Variants in PTPA observed in about 807,000 individuals in gnomAD.
PTPA encodes protein phosphatase 2 phosphatase activator.
PTPA carries 13 observed loss-of-function variants against 43.6 expected under a neutral mutation model. That is an observed-to-expected ratio of 0.30 (90% CI 0.19 to 0.47). The LOEUF (loss-of-function observed/expected upper bound fraction) is 0.47, where lower values mean the gene tolerates loss of function less well. Among genes scored for constraint, PTPA ranks in the 20% least tolerant of loss-of-function variants. PTPA has a pLI of 0.99. For synonymous variants in PTPA, 172 were observed against 158.2 expected, an observed-to-expected ratio of 1.09 and a Z score of -0.66; for missense variants, 329 against 411.9, an observed-to-expected ratio of 0.80 and a Z score of 1.74.
chr9:129,131,559 A>G lies in PTPA; in HGVS notation c.380A>G (p.His127Arg), dbSNP rs1299288530. 4 of 1,613,952 alleles carry G rather than the reference A, an allele frequency of 2.5e-6. No homozygotes were observed. In the South Asian group the frequency reaches 4.4e-5, roughly 18 times the overall value. The stretch of plus-strand genomic sequence containing the variant: ...TTGGTGGCCACAGTGGTCCCTACCC[A>G]TCTGGCAGCTGCTGTGCCTGAGGTG... The part of the protein sequence containing the change: ...ENLVATVVPT[H>R]LAAAVPEVAV... The change falls in exon 5 of 10, where the codon CAT becomes CGT. Residue 127 changes from histidine (H) to arginine (R), a missense_variant. Transcript: ENST00000393370.
At chr9:129,112,236 G>C (rs575302622) in intron 1 of PTPA, among the ~76,000 whole-genome samples, 1 of 152,148 alleles carries the variant, frequency 6.6e-6, no homozygotes, top group Non-Finnish European at 1.5e-5. Flanking sequence ...CATCTCCTTC[G>C]GTAACTCTTA....
intron 9 of PTPA, chr9:129,143,662 C>T (rs17509014): frequency 5.0e-4 from 253 of 505,944 alleles, no homozygotes; most frequent in African/African-American, 4.6e-3. Flanking sequence ...CCGCCCCCTC[C>T]CCCTTTGGTC....
intron 8 of PTPA, among the ~76,000 whole-genome samples, chr9:129,138,330 C>A (rs1016831576): frequency 6.6e-6 from 1 of 152,202 alleles, no homozygotes; most frequent in African/African-American, 2.4e-5. Flanking sequence ...GCGAGATCTC[C>A]TAGTGTGTTT....
intron 8 of PTPA, 196 bp from the exon 9 acceptor site, chr9:129,142,249 T>G (rs1850914730): frequency 2.1e-6 from 1 of 471,828 alleles, no homozygotes; most frequent in African/African-American, 2.0e-5. Context: ...TCTCTGGCAC[T>G]TGCATGTGCC....
chr9:129,111,035 A>G, upstream of PTPA: 2 of 1,369,044 alleles, frequency 1.5e-6, no homozygotes, highest in Non-Finnish European at 2.0e-6. Flanking sequence ...TGTTGGAGGT[A>G]GTGGTGTGCA....
At chr9:129,139,005 G>A (rs3118632) in intron 8 of PTPA, among the ~76,000 whole-genome samples, 44,724 of 152,028 alleles carry the variant, frequency 0.29, 6,691 homozygotes, top group East Asian at 0.42. Context: ...GGGGGTCTGC[G>A]GAGCCCTGGG....
Position 129,118,707 on chromosome 9 carries a change from G to A in PTPA, c.32-1806G>A, listed in dbSNP as rs1440480545. ...TTTTTTTTTTTAAAGTAGAGATGGGGTCTCGCTGTGTTGCCCAGGTTGGTG... is the reference window on the plus strand; with the variant it reads ...TTTTTTTTTTTAAAGTAGAGATGGGATCTCGCTGTGTTGCCCAGGTTGGTG... On this transcript the variant is annotated intron_variant, in intron 1 of 9. Coordinates refer to ENST00000393370, the MANE Select transcript of PTPA (RefSeq NM_178000.3). Among the ~76,000 whole-genome samples, 4 of 151,386 alleles carry A rather than the reference G, an allele frequency of 2.6e-5. No individual in the cohort carries two copies. The East Asian group carries it at 7.8e-4, about 30-fold the overall frequency.
chr9:129,131,578 T>C lies in PTPA; in HGVS notation c.399T>C (p.Pro133=). The C allele has an allele frequency of 1.2e-6, 2 of 1,614,176 alleles. No homozygotes were observed. The highest frequency in any genetic ancestry group is 2.2e-5 in the East Asian group (1 of 44,892). Residue 133 remains proline, a synonymous_variant, in exon 5 of 10, where the codon CCT becomes CCC. Transcript: ENST00000393370. ...CTACCCATCTGGCAGCTGCTGTGCC[T>C]GAGGTGGCTGTTTACCTAAAGGAGT... ...VVPTHLAAAV[P]EVAVYLKESV... is the part of the protein sequence containing the mutation.
At chr9:129,127,999 T>C (rs1179202797) in intron 3 of PTPA, 2 of 1,345,602 alleles carry the variant, frequency 1.5e-6, no homozygotes, top group African/African-American at 3.0e-5. Context: ...AGGAGCAGGC[T>C]GCAAAGCAGA....
intron 6 of PTPA, 57 bp from the exon 7 acceptor site, chr9:129,136,414 G>C (rs1439123726): frequency 1.3e-6 from 2 of 1,554,114 alleles, no homozygotes; most frequent in African/African-American, 1.4e-5. Context: ...GTGGCCGAAA[G>C]GGTGAGACTG....
intron 5 of PTPA, among the ~76,000 whole-genome samples, chr9:129,132,051 C>G (rs1000470535): frequency 2.6e-5 from 4 of 152,218 alleles, no homozygotes; most frequent in African/African-American, 7.2e-5. Context: ...GTGGCACACC[C>G]TCTCCCTTGA....
chr9:129,136,209 C>T (rs548147496), intron 6 of PTPA, among the ~76,000 whole-genome samples: 3 of 152,214 alleles, frequency 2.0e-5, no homozygotes, highest in South Asian at 2.1e-4. Context: ...CCTTGTGATC[C>T]GCCTGCCTCG....
At chr9:129,134,359 C>A (rs1850213003) in intron 5 of PTPA, among the ~76,000 whole-genome samples, 4 of 119,310 alleles carry the variant, frequency 3.4e-5, no homozygotes, top group Admixed American at 1.2e-4. Flanking sequence ...GGCTGGAGTG[C>A]AGTGGCCTTA....
At chr9:129,113,070 CA>C (rs36041340) in intron 1 of PTPA, among the ~76,000 whole-genome samples, 33 of 149,070 alleles carry the variant, frequency 2.2e-4, no homozygotes, top group African/African-American at 5.5e-4. Flanking sequence ...AAAAAAGTCG[CA>C]AAAAAAAAAA....
At chr9:129,142,977 AGTGT>A (rs1851003398) in intron 9 of PTPA, 1 of 1,342,892 alleles carries the variant, frequency 7.4e-7, no homozygotes, top group Non-Finnish European at 9.8e-7. Context: ...TTCAAATGTT[AGTGT>A]GTATGATCAC....
chr9:129,110,978 G>T, upstream of PTPA: 1 of 1,371,098 alleles, frequency 7.3e-7, no homozygotes, highest in Non-Finnish European at 9.8e-7. The surrounding 1 kb of genome is among the most constrained non-coding windows in gnomAD (Gnocchi z 5.3). Context: ...GGAAGGAGGA[G>T]GTCACCGTCC....
chr9:129,113,068 CG>C (rs201049200), intron 1 of PTPA, among the ~76,000 whole-genome samples: 1 of 88,568 alleles, frequency 1.1e-5, no homozygotes, highest in Non-Finnish European at 3.0e-5. Context: ...AAAAAAAAGT[CG>C]CAAAAAAAAA....
chr9:129,144,730 C>T (rs1217727491), intron 9 of PTPA, among the ~76,000 whole-genome samples: 2 of 62,632 alleles, frequency 3.2e-5, no homozygotes, highest in African/African-American at 1.1e-4. Flanking sequence ...CAGAGCGAGA[C>T]TCTCTCAAAA....
chr9:129,120,710 C>A, intron 2 of PTPA, 100 bp downstream of exon 2: 3 of 1,023,448 alleles, frequency 2.9e-6, no homozygotes, highest in Non-Finnish European at 4.4e-6. Flanking sequence ...GCTCTTGGAG[C>A]CTGACTTTTC....
Sources: gnomAD v4.1 joint callset for allele counts (sites outside exome capture counted in the v4.1 genomes callset) on GRCh38, gnomAD v4.1.1 for gene constraint, Gnocchi (gnomAD v3.1) non-coding constraint, MANE v1.5 for transcripts, NCBI Gene and HGNC (gene_info 2026-07-23, HGNC 2026-07-21) for gene names.